The following SLC35G2 variants were observed in gnomAD, a reference collection of about 807,000 sequenced individuals.
SLC35G2 encodes transmembrane protein 22.
In SLC35G2, 20 loss-of-function variants were observed where a neutral mutation model predicts 27.2. That is an observed-to-expected ratio of 0.74 (90% CI 0.52 to 1.07). The LOEUF is 1.07. SLC35G2 is among the 50% of genes least tolerant of loss of function. SLC35G2 has a pLI of 0.00. For missense variants in SLC35G2, 416 were observed against 493.3 expected, an observed-to-expected ratio of 0.84 and a Z score of 1.48; for synonymous variants, 148 against 165.3, an observed-to-expected ratio of 0.90 and a Z score of 0.80.
At chr3:136,833,859 C>G (rs1445221979) in intron 1 of SLC35G2, among the ~76,000 whole-genome samples, 1 of 151,930 alleles carries the variant, frequency 6.6e-6, no homozygotes, top group Non-Finnish European at 1.5e-5. Context: ...GTAGATGATC[C>G]CCAAAATCTT....
chr3:136,830,011 C>T (rs1380515460), intron 1 of SLC35G2, among the ~76,000 whole-genome samples: 2 of 151,818 alleles, frequency 1.3e-5, no homozygotes, highest in Non-Finnish European at 2.9e-5. Flanking sequence ...AACTTTCTAC[C>T]TCTATCTCTT....
chr3:136,820,894 T>C (rs576495167), intron 1 of SLC35G2, among the ~76,000 whole-genome samples: 2 of 152,284 alleles, frequency 1.3e-5, no homozygotes, highest in South Asian at 4.1e-4. Context: ...GTAAAATTGA[T>C]ATTGATACCA....
chr3:136,855,764 C>A lies in SLC35G2; in HGVS notation c.*65C>A. ...TGTATACTGCCATTTTAATGTTTACCTATGAATGTCTTTTGTGTTATATAA... is the reference window on the plus strand; with the variant it reads ...TGTATACTGCCATTTTAATGTTTACATATGAATGTCTTTTGTGTTATATAA... On this transcript the variant is annotated 3_prime_UTR_variant, in exon 2 of 2. Transcript: ENST00000446465. 1.6e-6 allele frequency: 2 copies of A among 1,261,406 alleles called. No homozygotes were observed. The highest frequency in any genetic ancestry group is 2.3e-6 in the Non-Finnish European group (2 of 869,320). The allele number at this position is 1,261,406 out of a possible 1,614,324, so 78.1% of individuals were successfully genotyped here. A position where few individuals can be genotyped will look rare whatever the true frequency, so the allele number is the denominator to read the frequency against.
chr3:136,838,283 A>ATATATATATATATATATATAT (rs1560013693), intron 1 of SLC35G2: 1 of 110,548 alleles, frequency 9.0e-6, no homozygotes, highest in African/African-American at 3.2e-5. Context: ...ATATATATAT[A>ATATATATATATATATATATAT]AATGCACACA....
chr3:136,843,660 CA>C (rs1560016291), intron 1 of SLC35G2, among the ~76,000 whole-genome samples: 1 of 146,520 alleles, frequency 6.8e-6, no homozygotes, highest in Non-Finnish European at 1.5e-5. Context: ...AGGCTGGGCG[CA>C]GTGGCTCAAG....
intron 1 of SLC35G2, among the ~76,000 whole-genome samples, chr3:136,830,536 G>A (rs925248395): frequency 2.0e-4 from 31 of 152,186 alleles, no homozygotes; most frequent in African/African-American, 7.5e-4. Flanking sequence ...GCCTGCCTTG[G>A]CCTCCCAAAG....
At chr3:136,821,456 AT>A (rs889019037) in intron 1 of SLC35G2, among the ~76,000 whole-genome samples, 1 of 151,570 alleles carries the variant, frequency 6.6e-6, no homozygotes, top group Non-Finnish European at 1.5e-5. Context: ...CAAAAAAAAA[AT>A]TTTTTTTTGA....
At chr3:136,850,357 G>A (rs1937585424) in intron 1 of SLC35G2, among the ~76,000 whole-genome samples, 1 of 151,952 alleles carries the variant, frequency 6.6e-6, no homozygotes, top group South Asian at 2.1e-4. Context: ...AGTAGTATGT[G>A]GTGAACTATA....
At chr3:136,825,122 T>A (rs1346455935) in intron 1 of SLC35G2, among the ~76,000 whole-genome samples, 1 of 152,202 alleles carries the variant, frequency 6.6e-6, no homozygotes, top group African/African-American at 2.4e-5. Flanking sequence ...AGCTAGGACT[T>A]CCAGTACTGT....
chr3:136,819,919 C>A (rs1388607347), intron 1 of SLC35G2: 1 of 152,198 alleles, frequency 6.6e-6, no homozygotes, highest in Non-Finnish European at 1.5e-5. Context: ...CCAGCAGCCA[C>A]GGGGAGGAAA....
chr3:136,831,706 T>C (rs9819572), intron 1 of SLC35G2, among the ~76,000 whole-genome samples: 104,207 of 151,960 alleles, frequency 0.69, 35,965 homozygotes, highest in East Asian at 0.87. Context: ...AAACAAATGG[T>C]TTGGAATGTG....
chr3:136,833,373 A>T lies in SLC35G2; in HGVS notation c.-19+13745A>T, dbSNP rs568919590. 3.9e-5 allele frequency among the ~76,000 whole-genome samples: 6 copies of T among 152,338 alleles called. No homozygotes were observed. The South Asian group carries it at 1.2e-3, about 32-fold the overall frequency. ...TTCTAACAATCAGGAATGACTTCCA[A>T]CTGGCTGTTTTGAGAAGGAGTGTTT... On this transcript the variant is annotated intron_variant, in intron 1 of 1. Transcript: ENST00000446465.
chr3:136,851,217 G>A (rs558243496), intron 1 of SLC35G2, among the ~76,000 whole-genome samples: 2 of 152,024 alleles, frequency 1.3e-5, no homozygotes, highest in African/African-American at 4.8e-5. Flanking sequence ...AATGTTGGCC[G>A]GGCGCGGTGG....
intron 1 of SLC35G2, among the ~76,000 whole-genome samples, chr3:136,844,285 C>T (rs1010659188): frequency 5.3e-5 from 8 of 150,618 alleles, no homozygotes; most frequent in African/African-American, 1.7e-4. Context: ...GTAAGGAGAT[C>T]GAGACCATCC....
chr3:136,839,147 T>C (rs910474209), intron 1 of SLC35G2: 2 of 150,424 alleles, frequency 1.3e-5, no homozygotes, highest in African/African-American at 4.9e-5. Flanking sequence ...GAAAGTTAAG[T>C]GGTAGATGAT....
chr3:136,841,075 C>T (rs962722822), intron 1 of SLC35G2, among the ~76,000 whole-genome samples: 4 of 151,760 alleles, frequency 2.6e-5, no homozygotes, highest in South Asian at 2.1e-4. Context: ...GTGATCTGCC[C>T]GCTTCAGCCT....
chr3:136,838,553 T>C (rs745485096), intron 1 of SLC35G2: 11 of 152,156 alleles, frequency 7.2e-5, no homozygotes, highest in Non-Finnish European at 1.3e-4. Flanking sequence ...GAATCAACGG[T>C]GTCAATAGTA....
chr3:136,851,496 CAAAAAAAAAA>C (rs11427657), intron 1 of SLC35G2, among the ~76,000 whole-genome samples: 1 of 66,508 alleles, frequency 1.5e-5, no homozygotes, highest in Non-Finnish European at 2.7e-5. Context: ...GACTCCGTCT[CAAAAAAAAAA>C]AAAAAAAAAA....
intron 1 of SLC35G2, chr3:136,843,322 CAAAAAAAAAAAA>C (rs36115986): frequency 3.8e-3 from 95 of 25,280 alleles, no homozygotes; most frequent in African/African-American, 0.017. Context: ...GACTCTGTCT[CAAAAAAAAAAAA>C]AAAAAAAAAA....
Sources: allele counts gnomAD v4.1 joint callset (sites outside exome capture counted in the v4.1 genomes callset), GRCh38; gene constraint gnomAD v4.1.1; transcripts MANE v1.5; gene names NCBI Gene and HGNC (gene_info 2026-07-23, HGNC 2026-07-21).